The following PTK2 variants were observed in gnomAD, a reference collection of about 807,000 sequenced individuals.
The protein encoded by PTK2 is focal adhesion kinase 1.
In PTK2, 45 loss-of-function variants were observed where a neutral mutation model predicts 150.1. That is an observed-to-expected ratio of 0.30 (90% confidence interval 0.24 to 0.38). The LOEUF (loss-of-function observed/expected upper bound fraction) is 0.38. Among genes scored for constraint, PTK2 ranks in the 10% least tolerant of loss-of-function variants. PTK2 has a pLI of 1.00. For missense variants in PTK2, 919 were observed against 1,307.3 expected, an observed-to-expected ratio of 0.70 and a Z score of 4.58; for synonymous variants, 432 against 449.2, an observed-to-expected ratio of 0.96 and a Z score of 0.48.
intron 26 of PTK2, among the ~76,000 whole-genome samples, chr8:140,697,358 C>A (rs1213474537): frequency 1.3e-5 from 2 of 151,630 alleles, no homozygotes; most frequent in Middle Eastern, 3.2e-3. Context: ...TTTCCATTTC[C>A]CCACAAACAT....
In PTK2 at chr8:140,879,864, G is replaced by C. The variant is rs143645464; in HGVS notation, c.196-227C>G. ...CTGAAATAGTATTTTCAAGAACAAG[G>C]AGAAGTTTTAGAAAAGAAAACATAA... On this transcript the variant is annotated intron_variant, in intron 3 of 31. Coordinates refer to ENST00000522684, the Ensembl canonical transcript of PTK2. Among the ~76,000 whole-genome samples the C allele has an allele frequency of 4.2e-3, 633 of 152,078 alleles. 2 individuals are homozygous for C. The highest frequency in any genetic ancestry group is 0.014 in the African/African-American group (592 of 41,480).
intron 7 of PTK2, 146 bp from the exon 8 acceptor site, chr8:140,830,672 A>G (rs1477681516): frequency 7.5e-6 from 4 of 530,682 alleles, no homozygotes; most frequent in Non-Finnish European, 1.3e-5. Flanking sequence ...GCTTTAATTT[A>G]CCAGTATATT....
At position 140,832,636 on chromosome 8, in the gene PTK2, G is replaced by T. The variant is rs73373546; in HGVS notation, c.594-2110C>A. Among the ~76,000 whole-genome samples, 418 of 152,276 alleles carry T rather than the reference G, an allele frequency of 2.7e-3. 4 individuals carry two copies. The highest frequency in any genetic ancestry group is 0.02 in the Middle Eastern group (6 of 294). On this transcript the variant is annotated intron_variant, in intron 7 of 31. Coordinates refer to ENST00000522684, the Ensembl canonical transcript of PTK2. ...GGCATGGCCTGACCTGAGGTTTGCT[G>T]GTGGACAGGAGAAGCGGTGAGAAGT...
At chr8:140,791,089 G>C (rs6985838) in intron 13 of PTK2, among the ~76,000 whole-genome samples, 39,554 of 152,096 alleles carry the variant, frequency 0.26, 5,805 homozygotes, top group Admixed American at 0.38. Context: ...CATTTATTTA[G>C]TTTCCTTTAT....
At chr8:140,967,154 A>G (rs957961011) in intron 1 of PTK2, among the ~76,000 whole-genome samples, 1 of 152,246 alleles carries the variant, frequency 6.6e-6, no homozygotes, top group Non-Finnish European at 1.5e-5. Flanking sequence ...AGGGTCACAC[A>G]GCAAAGAAGG....
intron 1 of PTK2, among the ~76,000 whole-genome samples, chr8:140,967,585 C>T (rs758367067): frequency 3.3e-5 from 5 of 151,724 alleles, no homozygotes; most frequent in Admixed American, 2.0e-4. Context: ...CTCAGCCTCC[C>T]GAGTGGCTAG....
chr8:140,744,547 G>T, intron 19 of PTK2, 105 bp downstream of exon 22: 1 of 575,094 alleles, frequency 1.7e-6, no homozygotes. Context: ...CTGTACCAAA[G>T]GGGACCCTGG....
chr8:140,892,886 T>C (rs892676976), intron 2 of PTK2, among the ~76,000 whole-genome samples: 15 of 152,234 alleles, frequency 9.9e-5, no homozygotes, highest in African/African-American at 3.6e-4. Flanking sequence ...GAAACCTTCC[T>C]ACATTGCTGG....
intron 12 of PTK2, 56 bp from the exon 13 acceptor site, chr8:140,793,440 T>TG (rs546625017): frequency 1.0e-5 from 16 of 1,579,354 alleles, no homozygotes; most frequent in Non-Finnish European, 1.3e-5. Flanking sequence ...TTTGAAAAGA[T>TG]GGTGCCTAGA....
intron 1 of PTK2, among the ~76,000 whole-genome samples, chr8:140,984,760 C>A (rs755990894): frequency 6.6e-6 from 1 of 152,112 alleles, no homozygotes; most frequent in Non-Finnish European, 1.5e-5. Flanking sequence ...ATCTTTACCG[C>A]CCCTCTTGTA....
chr8:140,724,287 C>T (rs7834669), intron 22 of PTK2, among the ~76,000 whole-genome samples: 59,301 of 151,986 alleles, frequency 0.39, 13,054 homozygotes, highest in Non-Finnish European at 0.51. Flanking sequence ...AATTAGTAAA[C>T]TTCTAAGTAA....
At position 140,739,001 on chromosome 8, in the gene PTK2, C is replaced by A; in HGVS notation, c.1825+17G>T. 2.0e-6 allele frequency: 3 copies of A among 1,470,520 alleles called. No homozygotes were observed. Among genetic ancestry groups the A allele is most frequent in the African/African-American group, 1.4e-5 (1 of 70,152 alleles). 91.1% of individuals were successfully genotyped at this position (1,470,520 alleles called of 1,614,324 possible). ...AATATAATTTTTAAAGAATACAAAA[C>A]TTTTAAGAGTACTCACCAAACATCC... On this transcript the variant is annotated intron_variant, in intron 21 of 31. Transcript: ENST00000522684.
chr8:140,992,306 A>AT (rs1460372046), intron 1 of PTK2, among the ~76,000 whole-genome samples: 4 of 151,288 alleles, frequency 2.6e-5, no homozygotes, highest in African/African-American at 9.7e-5. Flanking sequence ...AAAAAAAAAA[A>AT]AAAAAATACA....
intron 3 of PTK2, among the ~76,000 whole-genome samples, chr8:140,885,362 CA>C (rs2154607226): frequency 6.6e-6 from 1 of 152,286 alleles, no homozygotes; most frequent in South Asian, 2.1e-4. Flanking sequence ...ACCTACTGAG[CA>C]CTTGGCTGTT....
intron 18 of PTK2, among the ~76,000 whole-genome samples, chr8:140,745,604 C>T (rs546317846): frequency 2.0e-5 from 3 of 152,190 alleles, no homozygotes; most frequent in Non-Finnish European, 4.4e-5. Flanking sequence ...GGATGGGGCA[C>T]AAGAACTTGT....
intron 22 of PTK2, among the ~76,000 whole-genome samples, chr8:140,722,655 C>T (rs1042317740): frequency 2.0e-5 from 3 of 152,098 alleles, no homozygotes; most frequent in Non-Finnish European, 4.4e-5. Flanking sequence ...GCAAAGAAGG[C>T]CTAGCTGGCC....
chr8:140,674,822 C>T (rs1458845067), intron 28 of PTK2, among the ~76,000 whole-genome samples: 4 of 150,868 alleles, frequency 2.7e-5, no homozygotes, highest in Admixed American at 1.3e-4. Flanking sequence ...CTGAGGCGGG[C>T]GGATGCCTGA....
intron 17 of PTK2, among the ~76,000 whole-genome samples, chr8:140,748,866 G>C (rs1007781539): frequency 1.3e-5 from 2 of 152,184 alleles, no homozygotes; most frequent in African/African-American, 4.8e-5. Context: ...TTTTAAAGGT[G>C]ACCTGGTCCA....
chr8:140,691,196 G>GC (rs370500920), intron 26 of PTK2, among the ~76,000 whole-genome samples: 27 of 147,128 alleles, frequency 1.8e-4, no homozygotes, highest in African/African-American at 6.4e-4. Context: ...GAGATGGTTG[G>GC]GGGTGGGGGG....
Sources: gnomAD v4.1 joint callset for allele counts (sites outside exome capture counted in the v4.1 genomes callset) on GRCh38, gnomAD v4.1.1 for gene constraint, MANE v1.5 for transcripts, NCBI Gene and HGNC (gene_info 2026-07-23, HGNC 2026-07-21) for gene names.